The following YES1 variants were observed in gnomAD, a reference collection of about 807,000 sequenced individuals.
YES1 encodes the protein tyrosine-protein kinase Yes.
YES1 carries 39 observed loss-of-function variants against 70.4 expected under a neutral mutation model. The observed-to-expected ratio is 0.55, with a 90% CI of 0.43 to 0.72. YES1 has a LOEUF of 0.72. Ranked by LOEUF, YES1 falls within the 30% of genes least tolerant of loss-of-function variation. The pLI, the probability that YES1 is intolerant of heterozygous loss-of-function variation, is 0.00. For missense variants in YES1, 495 were observed against 644.8 expected (o/e 0.77, Z 2.52); for synonymous variants, 198 against 218.6 (o/e 0.91, Z 0.83).
chr18:792,063 T>TA (rs902906369), intron 1 of YES1, among the ~76,000 whole-genome samples: 15 of 151,950 alleles, frequency 9.9e-5, no homozygotes, highest in African/African-American at 2.2e-4. Context: ...GCTTTTCTAC[T>TA]AAAAAAAATA....
intron 6 of YES1, 114 bp from the exon 7 acceptor site, chr18:743,529 G>T: frequency 3.6e-6 from 3 of 843,278 alleles, no homozygotes; most frequent in Non-Finnish European, 5.0e-6. Context: ...GTCCTTTCGA[G>T]TTTTACTCTA....
At chr18:797,218 A>G (rs1325960492) in intron 1 of YES1, among the ~76,000 whole-genome samples, 1 of 152,158 alleles carries the variant, frequency 6.6e-6, no homozygotes, top group African/African-American at 2.4e-5. Flanking sequence ...CAAGCAGTTC[A>G]CCACAAGGAG....
chr18:794,869 A>T (rs901373410), intron 1 of YES1, among the ~76,000 whole-genome samples: 3 of 152,098 alleles, frequency 2.0e-5, no homozygotes, highest in Middle Eastern at 3.4e-3. Context: ...CAGGCTGGAG[A>T]GCAGTGGTGC....
At chr18:749,858 CAAA>C (rs5822576) in intron 3 of YES1, among the ~76,000 whole-genome samples, 12 of 116,518 alleles carry the variant, frequency 1.0e-4, no homozygotes, top group South Asian at 2.7e-4. Context: ...GACTCCGTCT[CAAA>C]AAAAAAAAAA....
In YES1 at chr18:761,063, A is replaced by G. The variant is rs541101787; in HGVS notation, c.-8-4228T>C. Among the ~76,000 whole-genome samples, 15 of 152,300 alleles carry G rather than the reference A, an allele frequency of 9.8e-5. No homozygotes were observed. The East Asian group carries it at 2.9e-3, about 29-fold the overall frequency. ...CCCAGTCTTCCAAGAAATGCACATTATAAGAAGATACCTTTTGTGGTTACC... is the reference window on the plus strand; with the variant it reads ...CCCAGTCTTCCAAGAAATGCACATTGTAAGAAGATACCTTTTGTGGTTACC... On this transcript the variant is annotated intron_variant, in intron 1 of 11. Transcript: ENST00000314574.
chr18:744,561 T>C (rs1429136406), intron 6 of YES1, among the ~76,000 whole-genome samples: 1 of 151,810 alleles, frequency 6.6e-6, no homozygotes, highest in Non-Finnish European at 1.5e-5. Flanking sequence ...GGCTAAATTT[T>C]TTTATATTTT....
chr18:749,937 A>G (rs912842778), intron 3 of YES1, among the ~76,000 whole-genome samples: 1 of 152,192 alleles, frequency 6.6e-6, no homozygotes, highest in Non-Finnish European at 1.5e-5. Flanking sequence ...TGAGAACTAC[A>G]TGTGGTTTAT....
intron 1 of YES1, among the ~76,000 whole-genome samples, chr18:780,355 C>A (rs67285587): frequency 0.36 from 54,980 of 151,912 alleles, 10,902 homozygotes; most frequent in African/African-American, 0.52. Context: ...GTATGGATTA[C>A]TAAAGGATAA....
At chr18:796,322 ATACTT>A (rs1384533904) in intron 1 of YES1, among the ~76,000 whole-genome samples, 4 of 152,244 alleles carry the variant, frequency 2.6e-5, no homozygotes, top group Non-Finnish European at 5.9e-5. Flanking sequence ...GATATCAAGA[ATACTT>A]AACTGTTGAA....
Position 747,990 on chromosome 18 carries a change from T to C in YES1, c.400A>G (p.Ile134Val), listed in dbSNP as rs758401112. The C allele has an allele frequency of 1.6e-5, 26 of 1,613,840 alleles. No individual in the cohort carries two copies. The highest frequency in any genetic ancestry group is 6.7e-5 in the East Asian group (3 of 44,864). Reference sequence around the variant, plus strand: ...ATATAACCATTCTTTCCTGTAGCGATTGATCTTGCTTCCCACCAATCTCCT... The same window carrying C: ...ATATAACCATTCTTTCCTGTAGCGACTGATCTTGCTTCCCACCAATCTCCT... ...TEGDWWEARS[I>V]ATGKNGYIPS... Residue 134 changes from isoleucine (I) to valine (V), a missense_variant, in exon 4 of 12, where the codon ATC (isoleucine) becomes GTC (valine). Physicochemically the swap from Ile to Val is conservative, Grantham distance 29 (BLOSUM62 3). This residue lies in a region of YES1 where 385 missense variants were observed against 540.9 expected (regional missense o/e 0.71). Coordinates refer to ENST00000314574, the MANE Select transcript of YES1 (RefSeq NM_005433.4).
chr18:810,477 T>C (rs59892406), intron 1 of YES1, among the ~76,000 whole-genome samples: 8,744 of 152,266 alleles, frequency 0.057, 354 homozygotes, highest in East Asian at 0.12. Flanking sequence ...CAGAAAGGAA[T>C]CAATTTTGTG....
At chr18:769,130 G>T (rs1179877422) in intron 1 of YES1, among the ~76,000 whole-genome samples, 2 of 152,180 alleles carry the variant, frequency 1.3e-5, no homozygotes, top group South Asian at 2.1e-4. Context: ...AGGTATATAG[G>T]TATAATAGGC....
rs912604557 is a variant in YES1 at position 800,676 on chromosome 18, G to C, written c.-9+11438C>G. ...ATTGTTAATGTAAGAACTTGACACA[G>C]TGGCAAAAGAGTGGCAAATAAAATT... On this transcript the variant is annotated intron_variant, in intron 1 of 11. Coordinates refer to ENST00000314574, the MANE Select transcript of YES1 (RefSeq NM_005433.4). 1.4e-4 allele frequency among the ~76,000 whole-genome samples: 21 copies of C among 152,218 alleles called. 1 individual carries two copies. Among genetic ancestry groups the C allele is most frequent in the Admixed American group, 9.2e-4 (14 of 15,284 alleles).
In YES1 at chr18:796,856, T is replaced by C. The variant is rs184458934; in HGVS notation, c.-9+15258A>G. ...AATTTGCAAACACTAAAAGGTGGCATTTTGAACCAGTGTGAAAATAGATTT... is the reference window on the plus strand; with the variant it reads ...AATTTGCAAACACTAAAAGGTGGCACTTTGAACCAGTGTGAAAATAGATTT... On this transcript the variant is annotated intron_variant, in intron 1 of 11. Transcript: ENST00000314574. 6.6e-5 allele frequency among the ~76,000 whole-genome samples: 10 copies of C among 152,286 alleles called. No homozygotes were observed. In the East Asian group the frequency reaches 1.9e-3, roughly 29 times the overall value.
chr18:756,986 C>G (rs992075170), intron 1 of YES1, among the ~76,000 whole-genome samples, 151 bp from the exon 2 acceptor site: 1 of 152,112 alleles, frequency 6.6e-6, no homozygotes, highest in African/African-American at 2.4e-5. Flanking sequence ...AAAACGAGGT[C>G]TCTTCCCCTC....
intron 1 of YES1, among the ~76,000 whole-genome samples, chr18:800,885 C>T (rs1239126915): frequency 2.0e-5 from 3 of 151,992 alleles, no homozygotes; most frequent in South Asian, 4.1e-4. Flanking sequence ...TGGTGGCTCA[C>T]GACTGTAATC....
chr18:778,759 C>T (rs1281072900), intron 1 of YES1, among the ~76,000 whole-genome samples: 1 of 152,000 alleles, frequency 6.6e-6, no homozygotes, highest in Non-Finnish European at 1.5e-5. Context: ...TTATAAATCC[C>T]CTCCCTTAAG....
At chr18:793,607 G>C (rs146475145) in intron 1 of YES1, among the ~76,000 whole-genome samples, 71 of 152,250 alleles carry the variant, frequency 4.7e-4, no homozygotes, top group East Asian at 3.7e-3. Context: ...AAAGCACTGG[G>C]ATTACAGGTG....
In YES1 at chr18:765,332, CAG is replaced by C. The variant is rs1242018058; in HGVS notation, c.-8-8499_-8-8498del. Among the ~76,000 whole-genome samples the C allele has an allele frequency of 1.7e-4, 23 of 135,438 alleles. 1 individual carries two copies. Among genetic ancestry groups the C allele is most frequent in the Non-Finnish European group, 4.7e-5 (3 of 64,142 alleles). The allele number at this position is 135,438 out of a possible 152,430, so 88.9% of individuals were successfully genotyped here. A position where few individuals can be genotyped will look rare whatever the true frequency, so the allele number is the denominator to read the frequency against. The stretch of plus-strand genomic sequence containing the variant: ...TTCATTATATGAAACATGAAGCAAA[CAG>C]AGAAAATGTTAGTGTGTTAAATGTG... On this transcript the variant is annotated intron_variant, in intron 1 of 11. Coordinates refer to ENST00000314574, the MANE Select transcript of YES1 (RefSeq NM_005433.4).
Sources: allele counts gnomAD v4.1 joint callset (sites outside exome capture counted in the v4.1 genomes callset), GRCh38; gene constraint gnomAD v4.1.1; regional missense constraint gnomAD v4.1.1; transcripts MANE v1.5; gene names NCBI Gene and HGNC (gene_info 2026-07-23, HGNC 2026-07-21).